PCDHGA7: variants seen among roughly 807,000 people sequenced by gnomAD.
PCDHGA7 encodes the protein protocadherin gamma-A7.
Under a neutral mutation model 58.3 loss-of-function variants are expected in PCDHGA7, and 44 were observed. That is an observed-to-expected ratio of 0.75 (90% CI 0.59 to 0.97). The LOEUF (loss-of-function observed/expected upper bound fraction) is 0.97, where lower values mean the gene tolerates loss of function less well. Ranked by LOEUF, PCDHGA7 falls within the 50% of genes least tolerant of loss-of-function variation. The probability of loss-of-function intolerance (pLI) is 0.00; values close to 1 mark genes in which losing one functional copy is unlikely to be tolerated. For missense variants in PCDHGA7, 1,266 were observed against 1,188.7 expected, an observed-to-expected ratio of 1.06 and a Z score of -0.96; for synonymous variants, 516 against 504.2, an observed-to-expected ratio of 1.02 and a Z score of -0.31.
At chr5:141,427,683 G>A (rs761750638) in intron 1 of PCDHGA7, 3 of 836,052 alleles carry the variant, frequency 3.6e-6, no homozygotes, top group South Asian at 2.8e-5. Flanking sequence ...CCTTCCCGGA[G>A]CCTCCATCCC....
At chr5:141,389,605 A>T in intron 1 of PCDHGA7, 1 of 1,613,092 alleles carries the variant, frequency 6.2e-7, no homozygotes, top group Non-Finnish European at 8.5e-7. Context: ...GCGCTCTTCG[A>T]TATGGTGCCG....
chr5:141,410,726 A>G, intron 1 of PCDHGA7: 4 of 1,376,038 alleles, frequency 2.9e-6, no homozygotes, highest in Non-Finnish European at 3.9e-6. Context: ...TTTAAAATCC[A>G]TAGCTTTTTA....
intron 1 of PCDHGA7, chr5:141,441,795 C>T (rs569465359): frequency 2.6e-6 from 1 of 387,758 alleles, no homozygotes; most frequent in Non-Finnish European, 5.1e-6. Flanking sequence ...TGACAACGCA[C>T]CGCGGGTGCT....
chr5:141,502,514 T>A (rs2099814743), intron 2 of PCDHGA7, among the ~76,000 whole-genome samples: 1 of 152,202 alleles, frequency 6.6e-6, no homozygotes, highest in African/African-American at 2.4e-5. Flanking sequence ...TGTCCCACTA[T>A]CAGTGATGCC....
chr5:141,438,344 C>A (rs1591501799), intron 1 of PCDHGA7, among the ~76,000 whole-genome samples: 1 of 151,664 alleles, frequency 6.6e-6, no homozygotes, highest in African/African-American at 2.4e-5. Flanking sequence ...ATATAAGGAT[C>A]TACTCTGTGT....
chr5:141,410,287 C>T (rs1277233674), intron 1 of PCDHGA7: 1 of 1,614,018 alleles, frequency 6.2e-7, no homozygotes, highest in East Asian at 2.2e-5. Context: ...TGGTGGTGGC[C>T]TTGGCCTTAA....
chr5:141,507,553 C>T (rs1382652977), intron 3 of PCDHGA7, among the ~76,000 whole-genome samples: 4 of 152,192 alleles, frequency 2.6e-5, no homozygotes, highest in Admixed American at 2.0e-4. Flanking sequence ...ATGAAAGTGG[C>T]AGGCGGCTGG....
chr5:141,482,510 T>A (rs2099563292), intron 1 of PCDHGA7, among the ~76,000 whole-genome samples: 3 of 121,012 alleles, frequency 2.5e-5, no homozygotes, highest in African/African-American at 3.5e-5. Context: ...GTACCCAGAG[T>A]ACAGTATGAG....
chr5:141,456,550 C>T (rs1017343381), intron 1 of PCDHGA7, among the ~76,000 whole-genome samples: 2 of 152,166 alleles, frequency 1.3e-5, no homozygotes, highest in African/African-American at 4.8e-5. Context: ...TGTAGCCACT[C>T]GGGGCTGAAG....
chr5:141,410,065 G>C, intron 1 of PCDHGA7: 1 of 1,612,938 alleles, frequency 6.2e-7, no homozygotes, highest in South Asian at 1.1e-5. Context: ...GCCTGGGGCT[G>C]CGCACTGGGG....
chr5:141,474,289 T>C (rs11956411), intron 1 of PCDHGA7, among the ~76,000 whole-genome samples: 31,178 of 152,120 alleles, frequency 0.2, 3,304 homozygotes, highest in Admixed American at 0.31. Context: ...ACCCACTAGA[T>C]CAGTGCTTGT....
chr5:141,384,673 G>A lies in PCDHGA7; in HGVS notation c.1774G>A (p.Val592Met), dbSNP rs1029531424. ...AEPGYLVTKV[V>M]AVDKDSGQNA... The stretch of plus-strand genomic sequence containing the variant: ...GCCCGGCTACCTGGTGACCAAGGTG[G>A]TGGCGGTGGACAAAGATTCAGGCCA... The change falls in exon 1 of 4, where the codon GTG becomes ATG. Residue 592 changes from valine to methionine, a missense_variant. Val to Met is a conservative substitution (Grantham distance 21). Coordinates refer to ENST00000518325, the MANE Select transcript of PCDHGA7 (RefSeq NM_018920.4). 1.2e-6 allele frequency: 2 copies of A among 1,614,108 alleles called. No individual in the cohort carries two copies. Among genetic ancestry groups the A allele is most frequent in the South Asian group, 1.1e-5 (1 of 91,094 alleles).
chr5:141,491,110 C>T lies in PCDHGA7; in HGVS notation c.2425-3697C>T. On this transcript the variant is annotated intron_variant, in intron 1 of 3. Transcript: ENST00000518325. This position sits in a 1 kb window ranked among gnomAD's most constrained non-coding sequence, Gnocchi z 6.9. ...CCCAGGACTGTTCCTCGTGTCTACA[C>T]ACACTGGTGAGGTGCGCACAGCCCG... 3.7e-6 allele frequency: 6 copies of T among 1,614,212 alleles called. No individual in the cohort carries two copies. Among genetic ancestry groups the T allele is most frequent in the Non-Finnish European group, 5.1e-6 (6 of 1,180,024 alleles).
intron 1 of PCDHGA7, chr5:141,419,430 A>T: frequency 1.2e-6 from 2 of 1,613,318 alleles, no homozygotes; most frequent in Non-Finnish European, 1.7e-6. Flanking sequence ...GACCACGAGC[A>T]GCTGCGCACC....
In PCDHGA7 at chr5:141,489,637, T is replaced by G. The variant is rs1230531256; in HGVS notation, c.2425-5170T>G. The G allele has an allele frequency of 6.2e-6, 10 of 1,614,032 alleles. No homozygotes were observed. The highest frequency in any genetic ancestry group is 2.7e-5 in the African/African-American group (2 of 74,914). On this transcript the variant is annotated intron_variant, in intron 1 of 3. Transcript: ENST00000518325. The surrounding 1 kb of genome is among the most constrained non-coding windows in gnomAD (Gnocchi z 4.5). The stretch of plus-strand genomic sequence containing the variant: ...GGATCTCAATGACAACTCTCCTAGC[T>G]TTGCCACCCCTGAGCGAGAGATGCG...
At position 141,491,514 on chromosome 5, in the gene PCDHGA7, G is replaced by A. The variant is rs753335815; in HGVS notation, c.2425-3293G>A. ...AGGTGAGCTCGGACGGCACGCTCAAGTACATGGAGGTGACGCTGCGGCCCA... is the reference window on the plus strand; with the variant it reads ...AGGTGAGCTCGGACGGCACGCTCAAATACATGGAGGTGACGCTGCGGCCCA... On this transcript the variant is annotated intron_variant, in intron 1 of 3. Coordinates refer to ENST00000518325, the MANE Select transcript of PCDHGA7 (RefSeq NM_018920.4). The surrounding 1 kb of genome is among the most constrained non-coding windows in gnomAD (Gnocchi z 6.9). 2 of 1,613,964 alleles carry A rather than the reference G, an allele frequency of 1.2e-6. No individual in the cohort carries two copies. Among genetic ancestry groups the A allele is most frequent in the East Asian group, 2.2e-5 (1 of 44,892 alleles).
rs375834520 is a variant in PCDHGA7, at chr5:141,389,526, G to A, written c.2424+4203G>A. 145 of 1,613,070 alleles carry A rather than the reference G, an allele frequency of 9.0e-5. No homozygotes were observed. Among genetic ancestry groups the A allele is most frequent in the Non-Finnish European group, 1.2e-4 (141 of 1,179,758 alleles). ...GCTCAGCGCGAACGTGAGCCTGCGC[G>A]TGTTAGTGGACGACCGCAACGACAA... On this transcript the variant is annotated intron_variant, in intron 1 of 3. Coordinates refer to ENST00000518325, the MANE Select transcript of PCDHGA7 (RefSeq NM_018920.4).
chr5:141,430,015 T>G (rs2097256653), intron 1 of PCDHGA7, among the ~76,000 whole-genome samples: 1 of 152,236 alleles, frequency 6.6e-6, no homozygotes, highest in South Asian at 2.1e-4. Context: ...TTCACTTGGG[T>G]TCTTGTTAAG....
At chr5:141,406,544 T>A (rs1254762260) in intron 1 of PCDHGA7, among the ~76,000 whole-genome samples, 1 of 152,222 alleles carries the variant, frequency 6.6e-6, no homozygotes, top group Non-Finnish European at 1.5e-5. Context: ...AGATTCAAAC[T>A]TCAGTTATCC....
Sources: allele counts gnomAD v4.1 joint callset (sites outside exome capture counted in the v4.1 genomes callset), GRCh38; gene constraint gnomAD v4.1.1; non-coding constraint Gnocchi (gnomAD v3.1); transcripts MANE v1.5; gene names NCBI Gene and HGNC (gene_info 2026-07-23, HGNC 2026-07-21).